Variants in GRAMD4 observed in about 807,000 individuals in gnomAD.
GRAMD4 encodes GRAM domain-containing protein 4.
In GRAMD4, 25 loss-of-function variants were observed where a neutral mutation model predicts 83.9. The observed-to-expected ratio is 0.30, with a 90% CI of 0.22 to 0.42. The LOEUF (loss-of-function observed/expected upper bound fraction) is 0.42. Ranked by LOEUF, GRAMD4 falls within the 10% of genes least tolerant of loss-of-function variation. The probability of loss-of-function intolerance (pLI) is 1.00; values close to 1 mark genes in which losing one functional copy is unlikely to be tolerated. For synonymous variants in GRAMD4, 336 were observed against 320.9 expected, an observed-to-expected ratio of 1.05 and a Z score of -0.50; for missense variants, 593 against 788.7, an observed-to-expected ratio of 0.75 and a Z score of 2.97.
Position 46,637,853 on chromosome 22 carries a change from C to T in GRAMD4, c.176C>T (p.Thr59Ile), listed in dbSNP as rs778479518. 1 of 1,612,304 alleles carries T rather than the reference C, an allele frequency of 6.2e-7. No individual in the cohort carries two copies. The highest frequency in any genetic ancestry group is 1.7e-5 in the Admixed American group (1 of 60,024). The change falls in exon 3 of 19, where the codon ACC (threonine) becomes ATC (isoleucine). Residue 59 changes from threonine (T) to isoleucine (I), a missense_variant. Thr to Ile is a moderately conservative substitution (Grantham distance 89). Coordinates refer to ENST00000406902, the MANE Select transcript of GRAMD4 (RefSeq NM_015124.5). ...TTTTTCTTCTAGGCTGGTCCAGGGA[C>T]CCTCATCATGGCCACAGGAGTCCAG... ...EELRDPAGPG[T>I]LIMATGVQDF...
At chr22:46,675,191 GC>G (rs1268576674) in intron 16 of GRAMD4, among the ~76,000 whole-genome samples, 2 of 151,950 alleles carry the variant, frequency 1.3e-5, no homozygotes, top group African/African-American at 2.4e-5. Flanking sequence ...CAGAGCAGTG[GC>G]CGTGAGTGTC....
intron 1 of GRAMD4, among the ~76,000 whole-genome samples, chr22:46,579,168 G>C (rs748040873): frequency 6.6e-6 from 1 of 152,170 alleles, no homozygotes; most frequent in Non-Finnish European, 1.5e-5. Flanking sequence ...TGTTTATTCT[G>C]GGTCTCCTGC....
intron 2 of GRAMD4, among the ~76,000 whole-genome samples, chr22:46,635,061 A>AC (rs2081839183): frequency 6.8e-6 from 1 of 146,394 alleles, no homozygotes; most frequent in African/African-American, 2.6e-5. Flanking sequence ...GGTTGGTACC[A>AC]CCCCTGGCCA....
At chr22:46,665,145 G>T (rs2082389027) in intron 8 of GRAMD4, among the ~76,000 whole-genome samples, 1 of 152,242 alleles carries the variant, frequency 6.6e-6, no homozygotes, top group African/African-American at 2.4e-5. Flanking sequence ...CTGCCTTCCA[G>T]GCCTCACCTC....
chr22:46,617,925 G>C (rs2081525679), upstream of GRAMD4, among the ~76,000 whole-genome samples: 1 of 152,210 alleles, frequency 6.6e-6, no homozygotes, highest in South Asian at 2.1e-4. Flanking sequence ...ATCACTGAAG[G>C]CTTGTAGTTA....
At chr22:46,636,233 A>G (rs1398715363) in intron 2 of GRAMD4, among the ~76,000 whole-genome samples, 1 of 152,184 alleles carries the variant, frequency 6.6e-6, no homozygotes, top group Non-Finnish European at 1.5e-5. Context: ...TGCTTGTGGG[A>G]TCCCAGCTTC....
rs1569311694 is a variant in GRAMD4, at chr22:46,678,532, C to T, written c.*1281C>T. 1 of 985,332 alleles carries T rather than the reference C, an allele frequency of 1.0e-6. No homozygotes were observed. The highest frequency in any genetic ancestry group is 1.2e-6 in the Non-Finnish European group (1 of 829,914). The allele number at this position is 985,332 out of a possible 1,614,324, so 61.0% of individuals were successfully genotyped here. On this transcript the variant is annotated 3_prime_UTR_variant, in exon 19 of 19. Coordinates refer to ENST00000406902, the MANE Select transcript of GRAMD4 (RefSeq NM_015124.5). ...AGGGAGGGAAAGGCGGCTTGGGCCT[C>T]CTGGAAGGAGGTGGCCACCCCGCGG... is the stretch of plus-strand genomic sequence containing the variant.
In GRAMD4 at chr22:46,668,742, G is replaced by GC. The variant is rs781676756; in HGVS notation, c.974+16dup. On this transcript the variant is annotated intron_variant, in intron 12 of 18. Transcript: ENST00000406902. ...TGGAGAAGATCAAGAAGTAAGTCCCGCCCCCCACCCCGGCCCTGCGGCGCC... is the reference window on the plus strand; with the variant it reads ...TGGAGAAGATCAAGAAGTAAGTCCCGCCCCCCCACCCCGGCCCTGCGGCGCC... 4.4e-6 allele frequency: 7 copies of GC among 1,581,308 alleles called. No homozygotes were observed. The highest frequency in any genetic ancestry group is 3.3e-5 in the South Asian group (3 of 90,082).
At chr22:46,582,437 C>A (rs896167750) in intron 1 of GRAMD4, among the ~76,000 whole-genome samples, 13 of 152,188 alleles carry the variant, frequency 8.5e-5, no homozygotes, top group African/African-American at 3.1e-4. Flanking sequence ...CCAGGGAGGC[C>A]TCCCATGAGT....
intron 3 of GRAMD4, 117 bp downstream of exon 3, chr22:46,638,077 G>A (rs375184292): frequency 1.3e-5 from 14 of 1,092,390 alleles, no homozygotes; most frequent in South Asian, 1.0e-4. Context: ...AGGCTCCATC[G>A]CTGGACACGA....
At chr22:46,647,915 G>C (rs1226574418) in intron 3 of GRAMD4, among the ~76,000 whole-genome samples, 1 of 152,268 alleles carries the variant, frequency 6.6e-6, no homozygotes, top group Admixed American at 6.5e-5. Context: ...TCCCAGCTCT[G>C]TAAGGAGACC....
chr22:46,605,765 CGGT>C (rs2081359122), intron 1 of GRAMD4, among the ~76,000 whole-genome samples: 1 of 142,772 alleles, frequency 7.0e-6, no homozygotes, highest in African/African-American at 2.6e-5. Context: ...GGCCTATGGC[CGGT>C]GCTGAGCATC....
upstream of GRAMD4, chr22:46,620,309 G>A (rs1298236201): frequency 1.2e-5 from 12 of 985,662 alleles, no homozygotes; most frequent in African/African-American, 2.1e-4. The surrounding 1 kb of genome is among the most constrained non-coding windows in gnomAD (Gnocchi z 4.7). Context: ...CTGGAGCCTG[G>A]CCGGGCGCCG....
intron 3 of GRAMD4, among the ~76,000 whole-genome samples, chr22:46,644,709 T>TG (rs2082045177): frequency 1.7e-5 from 1 of 59,332 alleles, no homozygotes; most frequent in African/African-American, 6.2e-5. Context: ...TTTTTTTTTT[T>TG]TTTTTTTTTT....
chr22:46,609,119 A>AACC (rs2081393340), intron 1 of GRAMD4, among the ~76,000 whole-genome samples: 1 of 151,980 alleles, frequency 6.6e-6, no homozygotes, highest in African/African-American at 2.4e-5. Context: ...AAAAAACAAC[A>AACC]ACAACCCGAA....
chr22:46,626,285 G>A (rs1039035485), intron 1 of GRAMD4, among the ~76,000 whole-genome samples: 5 of 152,238 alleles, frequency 3.3e-5, no homozygotes, highest in South Asian at 2.1e-4. Context: ...TGTTGACCAC[G>A]TTCTTGACGG....
At chr22:46,671,656 A>T (rs1381710222) in intron 13 of GRAMD4, among the ~76,000 whole-genome samples, 2 of 142,942 alleles carry the variant, frequency 1.4e-5, no homozygotes, top group East Asian at 2.0e-4. Context: ...ACTCCGTCTC[A>T]AAAATAAAAT....
chr22:46,628,193 G>T (rs1036608238), intron 2 of GRAMD4, among the ~76,000 whole-genome samples: 1 of 152,186 alleles, frequency 6.6e-6, no homozygotes, highest in South Asian at 2.1e-4. Flanking sequence ...GGGATTCCAC[G>T]CAAAGGCCAG....
intron 1 of GRAMD4, among the ~76,000 whole-genome samples, chr22:46,586,686 G>A (rs911438998): frequency 2.0e-5 from 3 of 152,202 alleles, no homozygotes; most frequent in African/African-American, 7.2e-5. Context: ...AGCTTCTCAG[G>A]GCGACTGGCT....
Sources: allele counts gnomAD v4.1 joint callset (sites outside exome capture counted in the v4.1 genomes callset), GRCh38; gene constraint gnomAD v4.1.1; non-coding constraint Gnocchi (gnomAD v3.1); transcripts MANE v1.5; gene names NCBI Gene and HGNC (gene_info 2026-07-23, HGNC 2026-07-21).